Variants in DNM3 observed in about 807,000 individuals in gnomAD.
The protein encoded by DNM3 is dynamin 3.
DNM3 carries 47 observed loss-of-function variants against 101.6 expected under a neutral mutation model. The observed-to-expected ratio is 0.46, with a 90% CI of 0.37 to 0.59. DNM3 has a LOEUF of 0.59. Among genes scored for constraint, DNM3 ranks in the 20% least tolerant of loss-of-function variants. The probability of loss-of-function intolerance (pLI) is 0.00; values close to 1 mark genes in which losing one functional copy is unlikely to be tolerated. For missense variants in DNM3, 849 were observed against 1,085.7 expected (o/e 0.78, Z 3.06); for synonymous variants, 385 against 387.9 (o/e 0.99, Z 0.09).
intron 10 of DNM3, among the ~76,000 whole-genome samples, chr1:172,056,607 C>T (rs1170042585): frequency 7.4e-4 from 113 of 152,136 alleles, no homozygotes; most frequent in Non-Finnish European, 1.2e-3. Flanking sequence ...CGGCAGGGTA[C>T]TCCAACAGAC....
intron 17 of DNM3, among the ~76,000 whole-genome samples, chr1:172,346,122 C>CAAAAAAAA (rs554868535): frequency 1.8e-4 from 17 of 92,032 alleles, no homozygotes; most frequent in Non-Finnish European, 2.4e-4. Flanking sequence ...GACTCCGTCT[C>CAAAAAAAA]AAAAAAAAAA....
intron 14 of DNM3, among the ~76,000 whole-genome samples, chr1:172,151,480 T>C (rs2058125831): frequency 6.6e-6 from 1 of 152,208 alleles, no homozygotes; most frequent in Non-Finnish European, 1.5e-5. Flanking sequence ...CTCCCAATCT[T>C]CTGTCTTATA....
At chr1:171,959,091 T>C (rs928470623) in intron 2 of DNM3, among the ~76,000 whole-genome samples, 1 of 151,948 alleles carries the variant, frequency 6.6e-6, no homozygotes, top group East Asian at 1.9e-4. Flanking sequence ...AATAAACCAA[T>C]ATGGAAAAGG....
chr1:172,412,917 A>G (rs1397269436), downstream of DNM3, among the ~76,000 whole-genome samples: 1 of 152,224 alleles, frequency 6.6e-6, no homozygotes, highest in African/African-American at 2.4e-5. Context: ...AATCAAAGGC[A>G]GGAGAGTGGG....
rs561198108 is a variant in DNM3, at chr1:172,004,104, A to G, written c.589+14956A>G. 3.3e-5 allele frequency among the ~76,000 whole-genome samples: 5 copies of G among 152,188 alleles called. No individual in the cohort carries two copies. The East Asian group carries it at 9.7e-4, about 29-fold the overall frequency. On this transcript the variant is annotated intron_variant, in intron 4 of 20. Coordinates refer to ENST00000627582, the MANE Select transcript of DNM3 (RefSeq NM_015569.5). ...AGGATATTGGCAAAATAATAATTGG[A>G]AAGACAGACTGTGAAATACTTGGAA...
chr1:172,147,939 G>C (rs891493863), intron 14 of DNM3, among the ~76,000 whole-genome samples: 1 of 151,970 alleles, frequency 6.6e-6, no homozygotes, highest in African/African-American at 2.4e-5. Flanking sequence ...ATCCATTCAT[G>C]TACAACGTAT....
chr1:172,041,023 T>C (rs141067101), intron 7 of DNM3, among the ~76,000 whole-genome samples: 10 of 152,216 alleles, frequency 6.6e-5, no homozygotes, highest in South Asian at 4.1e-4. Flanking sequence ...TATCGAATTG[T>C]GGGGATCCAT....
At chr1:171,987,348 G>A in intron 2 of DNM3, 1 of 983,994 alleles carries the variant, frequency 1.0e-6, no homozygotes, top group South Asian at 4.7e-5. Flanking sequence ...AGGTGCTGTT[G>A]TTTGCTTTAT....
intron 14 of DNM3, among the ~76,000 whole-genome samples, chr1:172,229,353 G>A (rs2061249078): frequency 1.3e-5 from 2 of 152,100 alleles, no homozygotes; most frequent in Admixed American, 6.6e-5. Flanking sequence ...TGAAATATAT[G>A]TTATAAAACA....
rs1400890985 is a variant in DNM3, at chr1:171,989,132, A to G, written c.573A>G (p.Lys191=). The part of the protein sequence containing the change: ...LANSDALKLA[K]EVDPQGLRTI... ...ACTCAGATGCGCTGAAGCTAGCTAAAGAAGTTGATCCTCAAGGTGAGTGTG... is the reference window on the plus strand; with the variant it reads ...ACTCAGATGCGCTGAAGCTAGCTAAGGAAGTTGATCCTCAAGGTGAGTGTG... Residue 191 remains lysine, a synonymous_variant, in exon 4 of 21, where the codon AAA becomes AAG. Transcript: ENST00000627582. 1 of 1,612,906 alleles carries G rather than the reference A, an allele frequency of 6.2e-7. No homozygotes were observed. Among genetic ancestry groups the G allele is most frequent in the East Asian group, 2.2e-5 (1 of 44,846 alleles).
chr1:172,298,859 AAG>A (rs36121139), intron 15 of DNM3, among the ~76,000 whole-genome samples: 40,949 of 148,738 alleles, frequency 0.28, 5,684 homozygotes, highest in East Asian at 0.3. Context: ...GAAAGAAAGA[AAG>A]AGAGAGAGAG....
intron 15 of DNM3, among the ~76,000 whole-genome samples, chr1:172,308,208 A>G (rs2064927415): frequency 6.6e-6 from 1 of 152,186 alleles, no homozygotes. Flanking sequence ...ATAAATATGC[A>G]CTTCATTGGC....
At chr1:171,967,210 A>G (rs895634309) in intron 2 of DNM3, among the ~76,000 whole-genome samples, 1 of 152,182 alleles carries the variant, frequency 6.6e-6, no homozygotes, top group Non-Finnish European at 1.5e-5. Flanking sequence ...ATATGGTGGC[A>G]GTCTCATACT....
At chr1:172,294,057 G>A (rs945898526) in intron 15 of DNM3, among the ~76,000 whole-genome samples, 12 of 152,074 alleles carry the variant, frequency 7.9e-5, no homozygotes, top group African/African-American at 2.2e-4. Context: ...ACCTCCAAAT[G>A]GAAACCTAAT....
chr1:171,846,209 T>A (rs946252639), intron 1 of DNM3, among the ~76,000 whole-genome samples: 1 of 147,104 alleles, frequency 6.8e-6, no homozygotes, highest in African/African-American at 2.5e-5. Flanking sequence ...GAATTAACAT[T>A]ATATAATATA....
intron 13 of DNM3, among the ~76,000 whole-genome samples, chr1:172,115,848 G>A (rs529687742): frequency 5.3e-4 from 80 of 152,124 alleles, no homozygotes; most frequent in Non-Finnish European, 1.1e-3. Context: ...AGATTGCTTC[G>A]TTTTTTCACA....
chr1:172,024,807 C>A (rs1392238430), intron 4 of DNM3, among the ~76,000 whole-genome samples: 3 of 152,260 alleles, frequency 2.0e-5, no homozygotes, highest in Admixed American at 2.0e-4. Context: ...TCACAACCTA[C>A]AGGCAAGAGA....
chr1:171,867,245 C>T (rs934132109), intron 1 of DNM3, among the ~76,000 whole-genome samples: 1 of 152,162 alleles, frequency 6.6e-6, no homozygotes, highest in African/African-American at 2.4e-5. Context: ...GAGGTGATTG[C>T]TTTTGAAATT....
At chr1:172,341,731 C>G (rs185147734) in intron 17 of DNM3, among the ~76,000 whole-genome samples, 18 of 151,624 alleles carry the variant, frequency 1.2e-4, no homozygotes, top group Non-Finnish European at 2.2e-4. Flanking sequence ...AAAATTAACT[C>G]AAGATGGATT....
Sources: allele counts gnomAD v4.1 joint callset (sites outside exome capture counted in the v4.1 genomes callset), GRCh38; gene constraint gnomAD v4.1.1; transcripts MANE v1.5; gene names NCBI Gene and HGNC (gene_info 2026-07-23, HGNC 2026-07-21).